Variants in NEDD4 observed in about 807,000 individuals in gnomAD.
NEDD4 encodes NEDD4 E3 ubiquitin protein ligase.
Under a neutral mutation model 144.9 loss-of-function variants are expected in NEDD4, and 99 were observed. The observed-to-expected ratio is 0.68, with a 90% CI of 0.58 to 0.81. The LOEUF (loss-of-function observed/expected upper bound fraction) is 0.81. NEDD4 is among the 30% of genes least tolerant of loss of function. NEDD4 has a pLI of 0.00. For synonymous variants in NEDD4, 318 were observed against 350.6 expected, an observed-to-expected ratio of 0.91 and a Z score of 1.04; for missense variants, 985 against 1,065.9, an observed-to-expected ratio of 0.92 and a Z score of 1.06.
At position 55,852,559 on chromosome 15, in the gene NEDD4, A is replaced by G. The variant is rs745449263; in HGVS notation, c.1027-16T>C. The G allele has an allele frequency of 6.2e-7, 1 of 1,611,678 alleles. No homozygotes were observed. The highest frequency in any genetic ancestry group is 1.1e-5 in the South Asian group (1 of 90,992). On this transcript the variant is annotated splice_polypyrimidine_tract_variant and intron_variant, in intron 12 of 28. Transcript: ENST00000435532. Reference sequence around the variant, plus strand: ...TAGGCAAAAGCTAAAGTGAAGAATAACAGAAGAATTAAATACATCAAGTTT... The same window carrying G: ...TAGGCAAAAGCTAAAGTGAAGAATAGCAGAAGAATTAAATACATCAAGTTT...
chr15:55,940,230 T>TAAGA (rs1248026680), intron 4 of NEDD4, among the ~76,000 whole-genome samples: 2 of 152,022 alleles, frequency 1.3e-5, no homozygotes, highest in African/African-American at 4.8e-5. Flanking sequence ...GTGAAGAGGG[T>TAAGA]ACATATCAAG....
intron 1 of NEDD4, among the ~76,000 whole-genome samples, chr15:55,992,748 ATTAG>A (rs1170109460): frequency 3.3e-5 from 5 of 152,262 alleles, no homozygotes; most frequent in African/African-American, 9.6e-5. Context: ...CATAATCAGC[ATTAG>A]TTATTTAGCT....
chr15:55,885,623 C>T (rs987208489), intron 5 of NEDD4, among the ~76,000 whole-genome samples: 3 of 152,064 alleles, frequency 2.0e-5, no homozygotes, highest in Admixed American at 6.6e-5. Context: ...AAGTTGTCAT[C>T]AGTTTAAAAC....
chr15:55,921,408 T>G (rs1595846714), intron 5 of NEDD4, among the ~76,000 whole-genome samples: 1 of 151,926 alleles, frequency 6.6e-6, no homozygotes, highest in East Asian at 1.9e-4. Context: ...CACTGCAACC[T>G]CCACCTCCTG....
At chr15:55,894,585 G>A (rs377518999) in intron 5 of NEDD4, among the ~76,000 whole-genome samples, 1 of 152,158 alleles carries the variant, frequency 6.6e-6, no homozygotes, top group Non-Finnish European at 1.5e-5. Flanking sequence ...TGAGGTGGAA[G>A]TCAGGAGAAA....
chr15:55,957,137 C>G (rs1313862427), intron 2 of NEDD4, among the ~76,000 whole-genome samples: 1 of 152,168 alleles, frequency 6.6e-6, no homozygotes, highest in Non-Finnish European at 1.5e-5. Context: ...TATACAAACA[C>G]TGACTTTGCA....
At chr15:55,932,508 G>A (rs1179181885) in intron 4 of NEDD4, among the ~76,000 whole-genome samples, 21 of 152,024 alleles carry the variant, frequency 1.4e-4, no homozygotes, top group African/African-American at 1.9e-4. Context: ...CACCTTATAC[G>A]AAAATTAATT....
chr15:55,966,017 T>A (rs1373543891), intron 2 of NEDD4, among the ~76,000 whole-genome samples: 1 of 152,110 alleles, frequency 6.6e-6, no homozygotes, highest in East Asian at 1.9e-4. Flanking sequence ...AAGACTACAA[T>A]TTTTCCAGGT....
chr15:55,876,531 A>G (rs1358248985), intron 5 of NEDD4, among the ~76,000 whole-genome samples: 1 of 152,222 alleles, frequency 6.6e-6, no homozygotes, highest in Non-Finnish European at 1.5e-5. Flanking sequence ...TATATTTTAT[A>G]TAAAGTGGTA....
chr15:55,970,132 G>A (rs1418319134), intron 1 of NEDD4, among the ~76,000 whole-genome samples: 1 of 152,100 alleles, frequency 6.6e-6, no homozygotes, highest in Non-Finnish European at 1.5e-5. Flanking sequence ...GACTATAGTA[G>A]CCACAGGTCT....
rs2033857242 is a variant in NEDD4, at chr15:55,848,805, C to T, written c.1428+1G>A. On this transcript the variant is annotated splice_donor_variant, in intron 15 of 28. Transcript: ENST00000435532. LOFTEE classifies it high-confidence loss of function. ...ATGGGTTAGCATTTCTATACACTTA[C>T]AGGTAAAGGCCCTAGATCATTGGAA... 1 of 1,612,648 alleles carries T rather than the reference C, an allele frequency of 6.2e-7. No individual in the cohort carries two copies. Among genetic ancestry groups the T allele is most frequent in the African/African-American group, 1.3e-5 (1 of 75,034 alleles).
Position 55,966,487 on chromosome 15 carries a change from A to G in NEDD4, c.105T>C (p.Asp35=), listed in dbSNP as rs1312063783. ...GATATACTTACCTAGCTCCCAATATATCCTTCTTGGCAAGGCCTATTCCGG... is the reference window on the plus strand; with the variant it reads ...GATATACTTACCTAGCTCCCAATATGTCCTTCTTGGCAAGGCCTATTCCGG... ...VIAGIGLAKK[D]ILGASDPYVR... The change falls in exon 2 of 29, where the codon GAT becomes GAC. Residue 35 remains aspartate (D), a synonymous_variant. Coordinates refer to ENST00000435532, the MANE Select transcript of NEDD4 (RefSeq NM_006154.4). 1 of 1,529,952 alleles carries G rather than the reference A, an allele frequency of 6.5e-7. No individual in the cohort carries two copies. Among genetic ancestry groups the G allele is most frequent in the Admixed American group, 2.2e-5 (1 of 46,388 alleles). 94.8% of individuals were successfully genotyped at this position (1,529,952 alleles called of 1,614,324 possible).
chr15:55,901,401 G>GGCT (rs74397856), intron 5 of NEDD4, among the ~76,000 whole-genome samples: 21,809 of 152,032 alleles, frequency 0.14, 1,699 homozygotes, highest in East Asian at 0.36. Flanking sequence ...AGGACTTTCT[G>GGCT]GCTAATTATT....
chr15:55,990,208 A>C (rs957437362), intron 1 of NEDD4, among the ~76,000 whole-genome samples: 2 of 152,024 alleles, frequency 1.3e-5, no homozygotes, highest in African/African-American at 2.4e-5. Context: ...AGTAGAGTGC[A>C]CCATACATGT....
intron 4 of NEDD4, among the ~76,000 whole-genome samples, chr15:55,939,720 A>T (rs1004877755): frequency 2.6e-5 from 4 of 152,194 alleles, no homozygotes; most frequent in Non-Finnish European, 5.9e-5. Flanking sequence ...ATGTGGAGAA[A>T]CTGGAATCCC....
intron 5 of NEDD4, among the ~76,000 whole-genome samples, chr15:55,906,588 C>G (rs1250756677): frequency 6.7e-6 from 1 of 150,098 alleles, no homozygotes; most frequent in African/African-American, 2.5e-5. Flanking sequence ...ACAATGAGAA[C>G]ACTTGGACAC....
intron 1 of NEDD4, among the ~76,000 whole-genome samples, chr15:55,990,486 T>C (rs2037971790): frequency 6.6e-6 from 1 of 152,116 alleles, no homozygotes. Context: ...TTCGGTGACT[T>C]CCTATCAATA....
intron 24 of NEDD4, among the ~76,000 whole-genome samples, chr15:55,837,366 G>A (rs1288130100): frequency 6.6e-6 from 1 of 151,520 alleles, no homozygotes; most frequent in African/African-American, 2.4e-5. Flanking sequence ...GGAGGTGCAG[G>A]TTGCAGTGAG....
intron 5 of NEDD4, among the ~76,000 whole-genome samples, chr15:55,883,314 G>C (rs942654829): frequency 6.6e-6 from 1 of 152,192 alleles, no homozygotes; most frequent in Non-Finnish European, 1.5e-5. Flanking sequence ...AAAGAGAAGG[G>C]AAGAGTGGGA....
Sources: allele counts gnomAD v4.1 joint callset (sites outside exome capture counted in the v4.1 genomes callset), GRCh38; gene constraint gnomAD v4.1.1; transcripts MANE v1.5; gene names NCBI Gene and HGNC (gene_info 2026-07-23, HGNC 2026-07-21).